The following PAN3 variants were observed in gnomAD, a reference collection of about 807,000 sequenced individuals.
The protein encoded by PAN3 is poly(A) specific ribonuclease subunit PAN3, also known as PAN2-PAN3 deadenylation complex subunit PAN3.
A neutral mutation model predicts 96.2 loss-of-function variants in PAN3; 19 were observed. The ratio of observed to expected loss-of-function variants is 0.20; its 90% CI spans 0.14 to 0.29. PAN3 has a LOEUF of 0.29. Among genes scored for constraint, PAN3 ranks in the 10% least tolerant of loss-of-function variants. The pLI is 1.00. For missense variants in PAN3, 882 were observed against 1,108.1 expected (o/e 0.80, Z 2.90); for synonymous variants, 433 against 406.6 (o/e 1.06, Z -0.78).
chr13:28,209,192 G>A (rs1879739599), intron 5 of PAN3, among the ~76,000 whole-genome samples: 1 of 152,078 alleles, frequency 6.6e-6, no homozygotes, highest in African/African-American at 2.4e-5. Flanking sequence ...TGCAGATTCA[G>A]AACCCATGAA....
At chr13:28,220,141 T>A in intron 5 of PAN3, 90 bp from the exon 6 acceptor site, 1 of 1,219,140 alleles carries the variant, frequency 8.2e-7, no homozygotes, top group Non-Finnish European at 1.1e-6. Context: ...TTTTACTTAG[T>A]AAATAAAGCA....
intron 5 of PAN3, among the ~76,000 whole-genome samples, chr13:28,214,199 T>C (rs1880445528): frequency 6.6e-6 from 1 of 152,240 alleles, no homozygotes; most frequent in Non-Finnish European, 1.5e-5. Context: ...GCTACGTTTT[T>C]AACCAAGAAT....
intron 5 of PAN3, among the ~76,000 whole-genome samples, chr13:28,213,245 A>G (rs977668325): frequency 1.3e-5 from 2 of 152,202 alleles, no homozygotes; most frequent in African/African-American, 4.8e-5. Flanking sequence ...GATTTAAGGT[A>G]TACAGGAGTA....
At chr13:28,267,976 AAGAT>A (rs1447289443) in intron 12 of PAN3, among the ~76,000 whole-genome samples, 1 of 152,246 alleles carries the variant, frequency 6.6e-6, no homozygotes, top group Non-Finnish European at 1.5e-5. Context: ...TTACTAAGAT[AAGAT>A]AGATTTTTGA....
chr13:28,140,124 GT>G (rs1355822534), intron 1 of PAN3, among the ~76,000 whole-genome samples: 2 of 152,014 alleles, frequency 1.3e-5, no homozygotes, highest in Non-Finnish European at 2.9e-5. Flanking sequence ...ATTTTTTGTA[GT>G]TTTAGTTGAG....
At chr13:28,268,858 C>T (rs940818210) in intron 12 of PAN3, among the ~76,000 whole-genome samples, 2 of 152,008 alleles carry the variant, frequency 1.3e-5, no homozygotes, top group Non-Finnish European at 2.9e-5. Flanking sequence ...GTTGTGGTTA[C>T]ATGGCTGTTT....
chr13:28,215,669 G>A, intron 5 of PAN3: 1 of 1,466,044 alleles, frequency 6.8e-7, no homozygotes, highest in Non-Finnish European at 9.3e-7. Flanking sequence ...GTAATAAGCT[G>A]GAAGATGGCC....
chr13:28,208,846 G>T (rs1004128818), intron 5 of PAN3, among the ~76,000 whole-genome samples: 3 of 152,046 alleles, frequency 2.0e-5, no homozygotes, highest in African/African-American at 4.8e-5. Flanking sequence ...TCCATTCAGC[G>T]ATGATATGCA....
At position 28,293,667 on chromosome 13, in the gene PAN3, A is replaced by G. The variant is rs1269286044; in HGVS notation, c.*1145A>G. 1.3e-5 allele frequency: 2 copies of G among 152,602 alleles called. No homozygotes were observed. The highest frequency in any genetic ancestry group is 4.8e-5 in the African/African-American group (2 of 41,438). 9.5% of individuals were successfully genotyped at this position (152,602 alleles called of 1,614,324 possible). A position where few individuals can be genotyped will look rare whatever the true frequency, so the allele number is the denominator to read the frequency against. On this transcript the variant is annotated 3_prime_UTR_variant, in exon 19 of 19. Transcript: ENST00000380958. ...AACTCACTCTGTGCGATATTCCTGA[A>G]TAAGTCCATCTCAAAAGTTTGGGAT...
rs536964432 is a variant in PAN3 at position 28,266,203 on chromosome 13, G to A, written c.1412-512G>A. 1.1e-4 allele frequency among the ~76,000 whole-genome samples: 17 copies of A among 152,170 alleles called. 1 individual carries two copies. The South Asian group carries it at 2.3e-3, about 20-fold the overall frequency. On this transcript the variant is annotated intron_variant, in intron 9 of 18. Transcript: ENST00000380958. ...CATCTGCTATATTTTCTTCTAGTTG[G>A]TTTACTATGGCTGTACTACATGTTG...
intron 1 of PAN3, among the ~76,000 whole-genome samples, chr13:28,167,673 C>CAAAA (rs1166063021): frequency 3.3e-5 from 2 of 61,314 alleles, no homozygotes; most frequent in African/African-American, 6.2e-5. Flanking sequence ...CCTGTCTCTA[C>CAAAA]AAAAAAAAAA....
At chr13:28,190,473 G>T (rs1021210619) in intron 4 of PAN3, among the ~76,000 whole-genome samples, 1 of 152,122 alleles carries the variant, frequency 6.6e-6, no homozygotes, top group Non-Finnish European at 1.5e-5. Flanking sequence ...TGCCCAGGTT[G>T]GTCCTTGAAC....
chr13:28,164,162 C>T (rs1873242921), intron 1 of PAN3, among the ~76,000 whole-genome samples: 1 of 152,116 alleles, frequency 6.6e-6, no homozygotes, highest in Non-Finnish European at 1.5e-5. Context: ...AAGTACAATT[C>T]AGTTATTTTT....
At chr13:28,203,179 T>C (rs924264890) in intron 5 of PAN3, among the ~76,000 whole-genome samples, 1 of 152,066 alleles carries the variant, frequency 6.6e-6, no homozygotes, top group African/African-American at 2.4e-5. Context: ...CAGGCTGTTC[T>C]TGAACTCCTG....
chr13:28,180,744 G>A (rs753684358), intron 4 of PAN3, among the ~76,000 whole-genome samples: 1 of 152,144 alleles, frequency 6.6e-6, no homozygotes, highest in Non-Finnish European at 1.5e-5. Context: ...AGCCAGATAT[G>A]CTAACTTTTG....
At chr13:28,243,715 G>T (rs1883894678) in intron 6 of PAN3, among the ~76,000 whole-genome samples, 1 of 152,084 alleles carries the variant, frequency 6.6e-6, no homozygotes, top group African/African-American at 2.4e-5. Flanking sequence ...GTGAGAGGGA[G>T]TGTTGCTCTG....
chr13:28,240,686 T>C (rs1016221534), intron 6 of PAN3, among the ~76,000 whole-genome samples: 31 of 152,220 alleles, frequency 2.0e-4, no homozygotes, highest in Non-Finnish European at 2.5e-4. Context: ...ATGATTCTTA[T>C]TACCTTGTTA....
At chr13:28,161,155 C>T (rs968723462) in intron 1 of PAN3, among the ~76,000 whole-genome samples, 1 of 151,930 alleles carries the variant, frequency 6.6e-6, no homozygotes, top group Non-Finnish European at 1.5e-5. Flanking sequence ...TTAGTTTAAT[C>T]TATATTTAAT....
intron 4 of PAN3, among the ~76,000 whole-genome samples, chr13:28,189,820 A>G (rs183430949): frequency 1.3e-5 from 2 of 152,258 alleles, no homozygotes; most frequent in Non-Finnish European, 2.9e-5. Context: ...ATAATCTTTT[A>G]TTTTAGCAAG....
Sources: allele counts gnomAD v4.1 joint callset (sites outside exome capture counted in the v4.1 genomes callset), GRCh38; gene constraint gnomAD v4.1.1; transcripts MANE v1.5; gene names NCBI Gene and HGNC (gene_info 2026-07-23, HGNC 2026-07-21).